The following RPS6KC1 variants were observed in gnomAD, a reference collection of about 807,000 sequenced individuals.
The protein encoded by RPS6KC1 is inactive ribosomal protein S6 kinase delta-1.
A neutral mutation model predicts 103.8 loss-of-function variants in RPS6KC1; 54 were observed. The observed-to-expected ratio is 0.52, with a 90% confidence interval of 0.42 to 0.65. The LOEUF (loss-of-function observed/expected upper bound fraction) is 0.65. Among genes scored for constraint, RPS6KC1 ranks in the 30% least tolerant of loss-of-function variants. The probability of loss-of-function intolerance (pLI) is 0.00; values close to 1 mark genes in which losing one functional copy is unlikely to be tolerated. For missense variants in RPS6KC1, 1,151 were observed against 1,253.8 expected, an observed-to-expected ratio of 0.92 and a Z score of 1.24; for synonymous variants, 439 against 438.7, an observed-to-expected ratio of 1.00 and a Z score of -0.01.
chr1:213,551,623 G>A, the RPS6KC1 span, among the ~76,000 whole-genome samples: 3 of 152,114 alleles, frequency 2.0e-5, no homozygotes, highest in Non-Finnish European at 4.4e-5. Flanking sequence ...ATATTGCCCC[G>A]ACACAGGCAC....
chr1:213,296,683 C>G, the RPS6KC1 span, among the ~76,000 whole-genome samples: 2 of 152,142 alleles, frequency 1.3e-5, no homozygotes, highest in Non-Finnish European at 2.9e-5. Context: ...GAAGAGCCAG[C>G]TGAAGCTCAG....
At chr1:213,446,258 C>G in the RPS6KC1 span, among the ~76,000 whole-genome samples, 1 of 152,204 alleles carries the variant, frequency 6.6e-6, no homozygotes, top group African/African-American at 2.4e-5. Flanking sequence ...TCCAGGCAAG[C>G]CTTTGCCCAC....
At chr1:213,331,542 G>A in the RPS6KC1 span, among the ~76,000 whole-genome samples, 23 of 152,360 alleles carry the variant, frequency 1.5e-4, no homozygotes, top group South Asian at 4.1e-3. Context: ...CATGTGGAGA[G>A]CATCTGTAAG....
rs201992749 is a variant in RPS6KC1 at position 213,100,626 on chromosome 1, A to G, written c.263-3828A>G. On this transcript the variant is annotated intron_variant, in intron 3 of 14. Coordinates refer to ENST00000366960, the MANE Select transcript of RPS6KC1 (RefSeq NM_012424.6). ...GGAGTTCTCAATGTCTGTTGTGCCCATCTCTGTGTCCATGTGTACCCAGTG... is the reference window on the plus strand; with the variant it reads ...GGAGTTCTCAATGTCTGTTGTGCCCGTCTCTGTGTCCATGTGTACCCAGTG... Among the ~76,000 whole-genome samples, 7 of 152,108 alleles carry G rather than the reference A, an allele frequency of 4.6e-5. No homozygotes were observed. The East Asian group carries it at 1.2e-3, about 25-fold the overall frequency.
At chr1:213,378,250 C>T in the RPS6KC1 span, among the ~76,000 whole-genome samples, 1 of 152,228 alleles carries the variant, frequency 6.6e-6, no homozygotes, top group African/African-American at 2.4e-5. Flanking sequence ...GAATAACTGG[C>T]TTTGTTCAAG....
chr1:213,537,674 G>C, the RPS6KC1 span, among the ~76,000 whole-genome samples: 1 of 152,080 alleles, frequency 6.6e-6, no homozygotes, highest in African/African-American at 2.4e-5. Flanking sequence ...CAGCCTGGTG[G>C]TAGTCACCCA....
At chr1:213,856,241 T>C in the RPS6KC1 span, among the ~76,000 whole-genome samples, 2 of 152,160 alleles carry the variant, frequency 1.3e-5, no homozygotes, top group African/African-American at 4.8e-5. Flanking sequence ...GGGTCCCTGT[T>C]AGACACTTCT....
chr1:213,295,724 AC>A, the RPS6KC1 span, among the ~76,000 whole-genome samples: 7 of 152,182 alleles, frequency 4.6e-5, no homozygotes, highest in South Asian at 2.1e-4. Flanking sequence ...CTTCATTCCT[AC>A]CTATATCAGG....
chr1:213,378,615 A>G, the RPS6KC1 span, among the ~76,000 whole-genome samples: 1 of 152,220 alleles, frequency 6.6e-6, no homozygotes, highest in African/African-American at 2.4e-5. Flanking sequence ...CTGCCCCACC[A>G]TTATTTTATT....
chr1:213,653,264 C>A, the RPS6KC1 span, among the ~76,000 whole-genome samples: 4 of 152,126 alleles, frequency 2.6e-5, no homozygotes, highest in Non-Finnish European at 5.9e-5. Context: ...TTGAGACCAG[C>A]CTGGGCAACA....
At chr1:213,407,249 C>CAGAG in the RPS6KC1 span, among the ~76,000 whole-genome samples, 1 of 150,088 alleles carries the variant, frequency 6.7e-6, no homozygotes, top group South Asian at 2.1e-4. Context: ...CACACACACG[C>CAGAG]AGAGAGAGAG....
At chr1:213,577,720 A>C in the RPS6KC1 span, among the ~76,000 whole-genome samples, 1 of 152,192 alleles carries the variant, frequency 6.6e-6, no homozygotes, top group East Asian at 1.9e-4. Flanking sequence ...TGGTAGAAGA[A>C]ATTTCTAAGT....
chr1:213,858,058 G>A, the RPS6KC1 span, among the ~76,000 whole-genome samples: 1 of 152,130 alleles, frequency 6.6e-6, no homozygotes, highest in East Asian at 1.9e-4. Context: ...ACAGAGCACT[G>A]CAACATCAGT....
the RPS6KC1 span, among the ~76,000 whole-genome samples, chr1:213,823,726 C>CCACACACACACACA: frequency 9.1e-3 from 1,338 of 146,346 alleles, 17 homozygotes; most frequent in South Asian, 0.038. Context: ...GCTATCACAG[C>CCACACACACACACA]CACACACACA....
chr1:213,188,426 G>T (rs1252435513), intron 8 of RPS6KC1, among the ~76,000 whole-genome samples: 3 of 150,256 alleles, frequency 2.0e-5, no homozygotes, highest in Admixed American at 6.6e-5. Flanking sequence ...TTGTTTGTTT[G>T]TTTTTTTCTT....
the RPS6KC1 span, among the ~76,000 whole-genome samples, chr1:213,815,574 C>T: frequency 2.0e-5 from 3 of 152,086 alleles, no homozygotes; most frequent in Non-Finnish European, 4.4e-5. Flanking sequence ...ACCTCAGAAA[C>T]ATAGTGGGTT....
At chr1:213,824,426 C>T in the RPS6KC1 span, among the ~76,000 whole-genome samples, 1 of 152,296 alleles carries the variant, frequency 6.6e-6, no homozygotes, top group Middle Eastern at 3.4e-3. Context: ...TCAACCCCCT[C>T]ACCTGAGAGG....
At chr1:213,428,769 C>G in the RPS6KC1 span, 60,790 of 151,958 alleles carry the variant, frequency 0.4, 12,968 homozygotes, top group East Asian at 0.55. Context: ...AACCAACACA[C>G]AGAGCTTGTT....
chr1:213,159,753 C>T (rs776196653), intron 6 of RPS6KC1, among the ~76,000 whole-genome samples: 19 of 152,142 alleles, frequency 1.2e-4, no homozygotes, highest in Non-Finnish European at 2.4e-4. Context: ...TGAGGATTCT[C>T]GAAGTGTTTT....
Sources: allele counts gnomAD v4.1 joint callset (sites outside exome capture counted in the v4.1 genomes callset), GRCh38; gene constraint gnomAD v4.1.1; transcripts MANE v1.5; gene names NCBI Gene and HGNC (gene_info 2026-07-23, HGNC 2026-07-21).